TRAPPC9: variants seen among roughly 807,000 people sequenced by gnomAD.
The protein encoded by TRAPPC9 is IKK2 binding protein.
Under a neutral mutation model 124.0 loss-of-function variants are expected in TRAPPC9, and 83 were observed. That is an observed-to-expected ratio of 0.67 (90% CI 0.56 to 0.80). The LOEUF (loss-of-function observed/expected upper bound fraction) is 0.80. Among genes scored for constraint, TRAPPC9 ranks in the 30% least tolerant of loss-of-function variants. The probability of loss-of-function intolerance (pLI) is 0.00; values close to 1 mark genes in which losing one functional copy is unlikely to be tolerated. For synonymous variants in TRAPPC9, 638 were observed against 617.5 expected (o/e 1.03, Z -0.49); for missense variants, 1,302 against 1,508.3 (o/e 0.86, Z 2.27).
At chr8:140,263,383 G>A (rs2064498047) in intron 15 of TRAPPC9, among the ~76,000 whole-genome samples, 1 of 152,120 alleles carries the variant, frequency 6.6e-6, no homozygotes, top group Non-Finnish European at 1.5e-5. Flanking sequence ...TGGGTACTGG[G>A]GAAATGTGCA....
chr8:139,946,622 C>T (rs1834236100), intron 19 of TRAPPC9, among the ~76,000 whole-genome samples: 1 of 149,812 alleles, frequency 6.7e-6, no homozygotes. Flanking sequence ...GGTGGCAGCA[C>T]AAGGGGAAAG....
intron 21 of TRAPPC9, among the ~76,000 whole-genome samples, chr8:139,740,789 G>A (rs778236827): frequency 3.9e-5 from 6 of 152,210 alleles, no homozygotes; most frequent in African/African-American, 1.2e-4. Context: ...CCCGTCCTTC[G>A]GCCTCTCCAC....
intron 15 of TRAPPC9, among the ~76,000 whole-genome samples, chr8:140,266,168 T>C (rs2064645228): frequency 6.6e-6 from 1 of 152,150 alleles, no homozygotes; most frequent in Non-Finnish European, 1.5e-5. Flanking sequence ...AAAACTTGCT[T>C]ACAAGTGGCC....
intron 7 of TRAPPC9, among the ~76,000 whole-genome samples, chr8:140,382,068 A>G (rs2068625717): frequency 6.6e-6 from 1 of 152,258 alleles, no homozygotes; most frequent in Non-Finnish European, 1.5e-5. Context: ...GGGTGGAAAC[A>G]ACCTAAAGTC....
chr8:139,737,187 G>A (rs776199215), intron 21 of TRAPPC9, among the ~76,000 whole-genome samples: 102 of 152,134 alleles, frequency 6.7e-4, no homozygotes, highest in Non-Finnish European at 1.1e-3. Context: ...TTCTATCGGC[G>A]CTCCCCAGGC....
chr8:139,919,310 G>A (rs750617112), intron 19 of TRAPPC9, among the ~76,000 whole-genome samples: 3 of 152,164 alleles, frequency 2.0e-5, no homozygotes, highest in Non-Finnish European at 2.9e-5. Flanking sequence ...AGGGCTAGTC[G>A]GGATTTGGGA....
intron 21 of TRAPPC9, among the ~76,000 whole-genome samples, chr8:139,840,619 C>T (rs932464117): frequency 5.9e-5 from 9 of 152,208 alleles, no homozygotes; most frequent in African/African-American, 1.7e-4. Context: ...AACACACCAA[C>T]GGGGATTCTG....
At chr8:139,987,210 T>G (rs1350385420) in intron 19 of TRAPPC9, among the ~76,000 whole-genome samples, 2 of 152,224 alleles carry the variant, frequency 1.3e-5, no homozygotes, top group African/African-American at 4.8e-5. Context: ...GGCTAGAACG[T>G]TGTATAGGTC....
chr8:140,362,278 C>T (rs2067978849), intron 8 of TRAPPC9, among the ~76,000 whole-genome samples: 2 of 152,068 alleles, frequency 1.3e-5, no homozygotes, highest in South Asian at 4.1e-4. Context: ...GAAAGGAAAC[C>T]CTCCCATGTT....
intron 17 of TRAPPC9, among the ~76,000 whole-genome samples, chr8:140,081,663 T>C (rs566608779): frequency 4.6e-5 from 7 of 152,258 alleles, no homozygotes; most frequent in African/African-American, 1.7e-4. Context: ...CATTTAGAAA[T>C]GCACATTTGA....
At chr8:140,025,035 G>A (rs1563698844) in intron 17 of TRAPPC9, among the ~76,000 whole-genome samples, 1 of 152,216 alleles carries the variant, frequency 6.6e-6, no homozygotes, top group Non-Finnish European at 1.5e-5. Context: ...TACCCAGTGA[G>A]AGGCGAAGAA....
intron 17 of TRAPPC9, among the ~76,000 whole-genome samples, chr8:140,135,304 C>G (rs2061281219): frequency 6.6e-6 from 1 of 152,208 alleles, no homozygotes; most frequent in Non-Finnish European, 1.5e-5. Context: ...AGAAACTCCA[C>G]TCCCAGATGT....
At chr8:139,880,794 T>C (rs1196827710) in intron 21 of TRAPPC9, among the ~76,000 whole-genome samples, 1 of 152,222 alleles carries the variant, frequency 6.6e-6, no homozygotes, top group Non-Finnish European at 1.5e-5. Context: ...TGAGATAAAC[T>C]GTGACACTGC....
chr8:139,963,749 C>CAA lies in TRAPPC9; in HGVS notation c.2810+24975_2810+24976dup, dbSNP rs58224556. Among the ~76,000 whole-genome samples, 106 of 107,344 alleles carry CAA rather than the reference C, an allele frequency of 9.9e-4. 2 individuals carry two copies. Among genetic ancestry groups the CAA allele is most frequent in the African/African-American group, 2.1e-3 (52 of 24,918 alleles). 70.4% of individuals were successfully genotyped at this position (107,344 alleles called of 152,430 possible). A position where few individuals can be genotyped will look rare whatever the true frequency, so the allele number is the denominator to read the frequency against. On this transcript the variant is annotated intron_variant, in intron 19 of 22. Coordinates refer to ENST00000438773, the MANE Select transcript of TRAPPC9 (RefSeq NM_001160372.4). ...GATTCCCTCCGAGAACCAGTTCTACCAAAAAAAAAAAAAAAAAAAAAAAAA... is the reference window on the plus strand; with the variant it reads ...GATTCCCTCCGAGAACCAGTTCTACCAAAAAAAAAAAAAAAAAAAAAAAAAAA...
intron 2 of TRAPPC9, among the ~76,000 whole-genome samples, chr8:140,449,069 C>CCCTGCA (rs1224774230): frequency 3.3e-5 from 5 of 152,220 alleles, no homozygotes; most frequent in African/African-American, 9.6e-5. Flanking sequence ...CAAAGCACCA[C>CCCTGCA]AGGCAGGTGC....
intron 17 of TRAPPC9, among the ~76,000 whole-genome samples, chr8:140,178,494 C>T (rs575811167): frequency 6.6e-6 from 1 of 152,128 alleles, no homozygotes; most frequent in South Asian, 2.1e-4. Context: ...ATGCTGCATT[C>T]TTTTTCTTCT....
chr8:140,051,487 A>T (rs1279487204), intron 17 of TRAPPC9, among the ~76,000 whole-genome samples: 2 of 150,888 alleles, frequency 1.3e-5, no homozygotes, highest in Non-Finnish European at 3.0e-5. Context: ...GACACAGAAG[A>T]TGAGGAGGCA....
At chr8:140,098,752 C>CA in intron 17 of TRAPPC9, 1 of 151,256 alleles carries the variant, frequency 6.6e-6, no homozygotes, top group East Asian at 2.0e-4. Flanking sequence ...TGCGCAGCTG[C>CA]GGCATTCCTG....
intron 9 of TRAPPC9, among the ~76,000 whole-genome samples, chr8:140,352,579 G>T (rs948870540): frequency 6.6e-6 from 1 of 152,048 alleles, no homozygotes; most frequent in Non-Finnish European, 1.5e-5. Context: ...AAACGCGGGG[G>T]AAACAGCATG....
Sources: allele counts gnomAD v4.1 joint callset (sites outside exome capture counted in the v4.1 genomes callset), GRCh38; gene constraint gnomAD v4.1.1; transcripts MANE v1.5; gene names NCBI Gene and HGNC (gene_info 2026-07-23, HGNC 2026-07-21).